The following SH3GL2 variants were observed in gnomAD, a reference collection of about 807,000 sequenced individuals.
SH3GL2 encodes the protein endophilin-A1.
Under a neutral mutation model 46.0 loss-of-function variants are expected in SH3GL2, and 24 were observed. The observed-to-expected ratio is 0.52, with a 90% confidence interval of 0.38 to 0.73. The LOEUF (loss-of-function observed/expected upper bound fraction) is 0.73. SH3GL2 is among the 30% of genes least tolerant of loss of function. The pLI, the probability that SH3GL2 is intolerant of heterozygous loss-of-function variation, is 0.00. For missense variants in SH3GL2, 413 were observed against 424.2 expected (o/e 0.97, Z 0.23); for synonymous variants, 196 against 147.1 (o/e 1.33, Z -2.40).
intron 1 of SH3GL2, among the ~76,000 whole-genome samples, chr9:17,642,189 C>T (rs900413143): frequency 6.6e-6 from 1 of 152,082 alleles, no homozygotes; most frequent in African/African-American, 2.4e-5. Context: ...ATCCTTTGCC[C>T]ATGTTTCTAT....
At chr9:17,793,232 C>G (rs924154146) in intron 7 of SH3GL2, 135 bp from the exon 8 acceptor site, 1 of 735,730 alleles carries the variant, frequency 1.4e-6, no homozygotes, top group East Asian at 2.8e-5. Flanking sequence ...AACTAAGGGT[C>G]CTTTTTTGAT....
In SH3GL2 at chr9:17,581,489, A is replaced by G. The variant is rs146944328; in HGVS notation, c.45+2202A>G. Among the ~76,000 whole-genome samples the G allele has an allele frequency of 3.3e-5, 5 of 152,328 alleles. No homozygotes were observed. The East Asian group carries it at 9.7e-4, about 29-fold the overall frequency. ...TAAGGCACAGGTGACTGTTCTGTGC[A>G]TATGTATATTTAGGAGAGTATGTAA... On this transcript the variant is annotated intron_variant, in intron 1 of 8. Transcript: ENST00000380607.
chr9:17,703,112 C>A (rs1821378680), intron 1 of SH3GL2, among the ~76,000 whole-genome samples: 1 of 151,974 alleles, frequency 6.6e-6, no homozygotes, highest in South Asian at 2.1e-4. Flanking sequence ...AAGGAGGATT[C>A]AACAGAGATG....
intron 1 of SH3GL2, among the ~76,000 whole-genome samples, chr9:17,708,726 A>C (rs2118253875): frequency 6.6e-6 from 1 of 152,080 alleles, no homozygotes. Flanking sequence ...CACTTCTGAG[A>C]TTAGTTTAAA....
At chr9:17,751,513 G>T (rs1822844824) in intron 2 of SH3GL2, among the ~76,000 whole-genome samples, 1 of 133,624 alleles carries the variant, frequency 7.5e-6, no homozygotes, top group Non-Finnish European at 1.5e-5. Flanking sequence ...TGTGTGTTTT[G>T]CCTCAGCAAT....
At chr9:17,730,592 G>T (rs903612010) in intron 1 of SH3GL2, among the ~76,000 whole-genome samples, 4 of 152,022 alleles carry the variant, frequency 2.6e-5, no homozygotes, top group African/African-American at 9.7e-5. Flanking sequence ...TATTGGCTGT[G>T]GGTTTGTCAT....
intron 1 of SH3GL2, among the ~76,000 whole-genome samples, chr9:17,660,729 A>C (rs1275450112): frequency 6.6e-6 from 1 of 152,226 alleles, no homozygotes; most frequent in Non-Finnish European, 1.5e-5. Flanking sequence ...GGTTTCTTCC[A>C]GTACTGAACT....
At chr9:17,612,788 A>G (rs1808953747) in intron 1 of SH3GL2, among the ~76,000 whole-genome samples, 1 of 152,098 alleles carries the variant, frequency 6.6e-6, no homozygotes, top group Admixed American at 6.5e-5. Context: ...ACGTTTTTAC[A>G]CCTGGAAAGA....
At chr9:17,579,451 C>G (rs951919002) in intron 1 of SH3GL2, among the ~76,000 whole-genome samples, 164 bp downstream of exon 1, 3 of 151,858 alleles carry the variant, frequency 2.0e-5, no homozygotes, top group Non-Finnish European at 1.5e-5. Context: ...GGGGCATCCC[C>G]GGTCTGGGCG....
intron 8 of SH3GL2, 144 bp downstream of exon 8, chr9:17,793,641 A>T: frequency 1.4e-6 from 1 of 725,380 alleles, no homozygotes; most frequent in Non-Finnish European, 2.2e-6. Context: ...TCAGGTAGAA[A>T]CTCTGTTAAA....
intron 1 of SH3GL2, among the ~76,000 whole-genome samples, chr9:17,686,862 C>T (rs1283751323): frequency 2.0e-4 from 30 of 149,846 alleles, no homozygotes; most frequent in Admixed American, 7.3e-4. Context: ...GTGGGTGCAG[C>T]GCACCAGCAT....
At chr9:17,684,682 G>GA (rs1820859953) in intron 1 of SH3GL2, among the ~76,000 whole-genome samples, 1 of 151,956 alleles carries the variant, frequency 6.6e-6, no homozygotes, top group Non-Finnish European at 1.5e-5. Context: ...TTCACACTGA[G>GA]AAAAAACAAA....
At chr9:17,640,432 A>G (rs1263137922) in intron 1 of SH3GL2, among the ~76,000 whole-genome samples, 1 of 152,130 alleles carries the variant, frequency 6.6e-6, no homozygotes, top group African/African-American at 2.4e-5. Flanking sequence ...TTCTACTATG[A>G]AAAGACTGGA....
intron 2 of SH3GL2, among the ~76,000 whole-genome samples, chr9:17,751,201 GA>G (rs1266777819): frequency 6.6e-6 from 1 of 152,108 alleles, no homozygotes; most frequent in Non-Finnish European, 1.5e-5. Context: ...TGAGTTTTAA[GA>G]AGAGCAAGTT....
chr9:17,719,473 C>G (rs1821839844), intron 1 of SH3GL2, among the ~76,000 whole-genome samples: 1 of 152,048 alleles, frequency 6.6e-6, no homozygotes, highest in Non-Finnish European at 1.5e-5. Context: ...TCAGGTACAT[C>G]ATGTCCTTCT....
intron 1 of SH3GL2, among the ~76,000 whole-genome samples, chr9:17,727,430 T>C (rs1173365993): frequency 6.6e-6 from 1 of 152,172 alleles, no homozygotes; most frequent in South Asian, 2.1e-4. Flanking sequence ...AAAATATTTC[T>C]ATTTGCTCCT....
At chr9:17,776,868 A>C (rs530066573) in intron 3 of SH3GL2, among the ~76,000 whole-genome samples, 1 of 152,234 alleles carries the variant, frequency 6.6e-6, no homozygotes, top group East Asian at 1.9e-4. Context: ...TTTTCAAGCT[A>C]CCAGTGTGAC....
chr9:17,708,364 A>C (rs1373664588), intron 1 of SH3GL2, among the ~76,000 whole-genome samples: 1 of 151,470 alleles, frequency 6.6e-6, no homozygotes, highest in East Asian at 1.9e-4. Context: ...TTTGATTTTG[A>C]CTCTTAGCAT....
At chr9:17,719,094 C>CT (rs1462711481) in intron 1 of SH3GL2, among the ~76,000 whole-genome samples, 2 of 152,072 alleles carry the variant, frequency 1.3e-5, no homozygotes, top group African/African-American at 4.8e-5. Context: ...GAATGGGTTA[C>CT]TTTTAAGCTC....
Sources: gnomAD v4.1 joint callset for allele counts (sites outside exome capture counted in the v4.1 genomes callset) on GRCh38, gnomAD v4.1.1 for gene constraint, MANE v1.5 for transcripts, NCBI Gene and HGNC (gene_info 2026-07-23, HGNC 2026-07-21) for gene names.